Variants in FAM178B observed in about 807,000 individuals in gnomAD.
FAM178B encodes the protein family with sequence similarity 178 member B, also known as protein FAM178B.
Under a neutral mutation model 91.7 loss-of-function variants are expected in FAM178B, and 82 were observed. The observed-to-expected ratio is 0.89, with a 90% CI of 0.75 to 1.07. The LOEUF (loss-of-function observed/expected upper bound fraction) is 1.07. FAM178B is among the 50% of genes least tolerant of loss of function. The pLI is 0.00. For synonymous variants in FAM178B, 368 were observed against 359.4 expected (o/e 1.02, Z -0.27); for missense variants, 769 against 846.7 (o/e 0.91, Z 1.14).
intron 14 of FAM178B, among the ~76,000 whole-genome samples, chr2:96,881,909 G>C (rs542629193): frequency 7.5e-4 from 114 of 152,272 alleles, no homozygotes; most frequent in Non-Finnish European, 3.8e-4. Flanking sequence ...GTGGCTGGGT[G>C]CATGTCTTCC....
intron 13 of FAM178B, among the ~76,000 whole-genome samples, chr2:96,900,199 G>A (rs959088282): frequency 1.6e-4 from 24 of 152,090 alleles, no homozygotes; most frequent in Non-Finnish European, 3.2e-4. Context: ...AGCCCTCCCA[G>A]GCACCCCATC....
intron 1 of FAM178B, chr2:96,978,061 C>T (rs1320900176): frequency 2.6e-6 from 1 of 379,928 alleles, no homozygotes; most frequent in Non-Finnish European, 5.3e-6. Context: ...CCTCTTCATC[C>T]TCACATGCGT....
chr2:96,905,123 G>A (rs143241844), intron 12 of FAM178B, among the ~76,000 whole-genome samples: 1 of 151,694 alleles, frequency 6.6e-6, no homozygotes, highest in African/African-American at 2.4e-5. Flanking sequence ...GGGTGGGGGT[G>A]GGGGGCAGGT....
intron 14 of FAM178B, among the ~76,000 whole-genome samples, chr2:96,882,509 T>A (rs572895802): frequency 1.3e-5 from 2 of 152,314 alleles, no homozygotes; most frequent in East Asian, 3.9e-4. Flanking sequence ...TCCTTCGCAG[T>A]GTGACCAATT....
chr2:96,952,189 G>A (rs957308304), intron 6 of FAM178B, among the ~76,000 whole-genome samples: 4 of 152,182 alleles, frequency 2.6e-5, no homozygotes, highest in African/African-American at 4.8e-5. Flanking sequence ...TTACCCCCAC[G>A]AGGCCAGCGT....
At chr2:96,903,857 T>G (rs1046871381) in intron 12 of FAM178B, among the ~76,000 whole-genome samples, 1 of 152,248 alleles carries the variant, frequency 6.6e-6, no homozygotes, top group Non-Finnish European at 1.5e-5. Context: ...ATCTAGGGTC[T>G]AAAATCCTGG....
At position 96,951,711 on chromosome 2, in the gene FAM178B, A is replaced by G; in HGVS notation, c.888-227T>C. 3 of 496,790 alleles carry G rather than the reference A, an allele frequency of 6.0e-6. No individual in the cohort carries two copies. The South Asian group carries it at 6.3e-5, about 10-fold the overall frequency. The allele number at this position is 496,790 out of a possible 1,614,324, so 30.8% of individuals were successfully genotyped here. A position where few individuals can be genotyped will look rare whatever the true frequency, so the allele number is the denominator to read the frequency against. Reference sequence around the variant, plus strand: ...CTCTTCTTGAATGTTGCGTGAACACACCTCATGGTGTTTAAAACACATGGC... The same window carrying G: ...CTCTTCTTGAATGTTGCGTGAACACGCCTCATGGTGTTTAAAACACATGGC... On this transcript the variant is annotated intron_variant, in intron 6 of 16. Transcript: ENST00000490605.
At chr2:96,920,555 G>C (rs147252376) in intron 12 of FAM178B, among the ~76,000 whole-genome samples, 1 of 151,992 alleles carries the variant, frequency 6.6e-6, no homozygotes, top group African/African-American at 2.4e-5. Flanking sequence ...AGCCGAGATC[G>C]CACCACTGCA....
chr2:96,943,906 T>C (rs1298399329), intron 8 of FAM178B, among the ~76,000 whole-genome samples: 1 of 152,064 alleles, frequency 6.6e-6, no homozygotes, highest in Non-Finnish European at 1.5e-5. Context: ...TTTTTTCTTG[T>C]TGTTTTAACT....
At chr2:96,902,296 G>T (rs1201688925) in intron 13 of FAM178B, among the ~76,000 whole-genome samples, 1 of 151,516 alleles carries the variant, frequency 6.6e-6, no homozygotes, top group African/African-American at 2.4e-5. Flanking sequence ...TAGTGGAGAC[G>T]GGTTTCACCG....
intron 13 of FAM178B, among the ~76,000 whole-genome samples, chr2:96,899,490 C>A (rs557612306): frequency 6.6e-6 from 1 of 152,178 alleles, no homozygotes; most frequent in South Asian, 2.1e-4. Flanking sequence ...CTGCAAGACC[C>A]TGGCCCCTGG....
chr2:96,903,184 C>A (rs559816646), intron 12 of FAM178B, among the ~76,000 whole-genome samples: 7 of 152,292 alleles, frequency 4.6e-5, no homozygotes, highest in Non-Finnish European at 7.3e-5. Context: ...GGACTACAGG[C>A]GCCCGCCACC....
intron 6 of FAM178B, among the ~76,000 whole-genome samples, chr2:96,954,317 A>AG (rs1384767968): frequency 1.3e-5 from 2 of 152,278 alleles, no homozygotes; most frequent in African/African-American, 2.4e-5. Context: ...GACAGTGGGC[A>AG]GGTGTCTGCC....
chr2:96,886,478 G>A (rs1346757531), intron 14 of FAM178B, among the ~76,000 whole-genome samples: 2 of 152,234 alleles, frequency 1.3e-5, no homozygotes, highest in African/African-American at 2.4e-5. Flanking sequence ...AGGGAAGGCT[G>A]TTGAGCCTGG....
At chr2:96,979,411 A>C (rs1245797648) in intron 1 of FAM178B, among the ~76,000 whole-genome samples, 1 of 150,670 alleles carries the variant, frequency 6.6e-6, no homozygotes, top group African/African-American at 2.5e-5. Context: ...CATGTTGGCC[A>C]AGCTGGTCTC....
At position 96,955,285 on chromosome 2, in the gene FAM178B, A is replaced by C. The variant is rs1019013236; in HGVS notation, c.888-3801T>G. ...CAGCACTTTGGGAGGCCAAGGTGGG[A>C]AGATCATGAGGTCAGGAGATCGAGA... On this transcript the variant is annotated intron_variant, in intron 6 of 16. Transcript: ENST00000490605. 7.2e-5 allele frequency among the ~76,000 whole-genome samples: 11 copies of C among 152,070 alleles called. No individual in the cohort carries two copies. In the East Asian group the frequency reaches 1.7e-3, roughly 24 times the overall value.
chr2:96,914,698 G>A (rs1053343737), intron 12 of FAM178B, among the ~76,000 whole-genome samples: 1 of 152,184 alleles, frequency 6.6e-6, no homozygotes, highest in African/African-American at 2.4e-5. Context: ...AGACCAGGCT[G>A]GGGAACACAG....
At chr2:96,959,719 G>T (rs2082053719) in intron 6 of FAM178B, among the ~76,000 whole-genome samples, 1 of 152,194 alleles carries the variant, frequency 6.6e-6, no homozygotes, top group African/African-American at 2.4e-5. Flanking sequence ...CCAAGTGTTG[G>T]ATAAGGTTGT....
At chr2:96,914,695 G>T (rs552514699) in intron 12 of FAM178B, among the ~76,000 whole-genome samples, 1 of 152,146 alleles carries the variant, frequency 6.6e-6, no homozygotes, top group African/African-American at 2.4e-5. Context: ...CTAAGACCAG[G>T]CTGGGGAACA....
Sources: allele counts gnomAD v4.1 joint callset (sites outside exome capture counted in the v4.1 genomes callset), GRCh38; gene constraint gnomAD v4.1.1; transcripts MANE v1.5; gene names NCBI Gene and HGNC (gene_info 2026-07-23, HGNC 2026-07-21).